The following CADM2 variants were observed in gnomAD, a reference collection of about 807,000 sequenced individuals.
The protein encoded by CADM2 is immunoglobulin superfamily member 4D.
Under a neutral mutation model 49.8 loss-of-function variants are expected in CADM2, and 12 were observed. That is an observed-to-expected ratio of 0.24 (90% CI 0.15 to 0.39). CADM2 has a LOEUF of 0.39. Among genes scored for constraint, CADM2 ranks in the 10% least tolerant of loss-of-function variants. The probability of loss-of-function intolerance (pLI) is 1.00; values close to 1 mark genes in which losing one functional copy is unlikely to be tolerated. For missense variants in CADM2, 378 were observed against 492.3 expected, an observed-to-expected ratio of 0.77 and a Z score of 2.20; for synonymous variants, 214 against 175.4, an observed-to-expected ratio of 1.22 and a Z score of -1.74.
chr3:85,997,508 G>T (rs928529152), intron 8 of CADM2, among the ~76,000 whole-genome samples: 2 of 151,988 alleles, frequency 1.3e-5, no homozygotes, highest in African/African-American at 2.4e-5. Context: ...CTGGGAAAAT[G>T]GAAACATCAC....
chr3:85,130,447 A>G (rs918683675), intron 1 of CADM2, among the ~76,000 whole-genome samples: 2 of 152,192 alleles, frequency 1.3e-5, no homozygotes, highest in African/African-American at 4.8e-5. Flanking sequence ...TCTTCAAACA[A>G]TCTTCTTTGC....
At chr3:85,448,647 C>T (rs2037592028) in intron 1 of CADM2, among the ~76,000 whole-genome samples, 2 of 152,018 alleles carry the variant, frequency 1.3e-5, no homozygotes, top group Non-Finnish European at 2.9e-5. Context: ...ATAATCATTT[C>T]TAAGTTTAAA....
At chr3:85,193,679 A>G (rs990741983) in intron 1 of CADM2, among the ~76,000 whole-genome samples, 1 of 152,146 alleles carries the variant, frequency 6.6e-6, no homozygotes, top group East Asian at 1.9e-4. Context: ...TCCTCACTCC[A>G]ATGTGATCTC....
chr3:85,748,461 G>A (rs2068709633), intron 2 of CADM2, among the ~76,000 whole-genome samples: 1 of 152,040 alleles, frequency 6.6e-6, no homozygotes, highest in South Asian at 2.1e-4. Flanking sequence ...ATGGGTATCT[G>A]TGTTTGTGCA....
chr3:85,979,743 G>T (rs1370873412), intron 8 of CADM2, among the ~76,000 whole-genome samples: 1 of 151,198 alleles, frequency 6.6e-6, no homozygotes, highest in African/African-American at 2.4e-5. Flanking sequence ...TAGTCCATGG[G>T]GTCAGTATAA....
Position 85,364,867 on chromosome 3 carries a change from TACAACAACAACAACA to T in CADM2, c.62-361629_62-361615del, listed in dbSNP as rs57254550. Among the ~76,000 whole-genome samples, 102 of 147,206 alleles carry T rather than the reference TACAACAACAACAACA, an allele frequency of 6.9e-4. 1 individual carries two copies. The highest frequency in any genetic ancestry group is 1.6e-3 in the African/African-American group (61 of 37,658). ...TTGTTCTGGATCATATGCTTGTTCC[TACAACAACAACAACA>T]ACAACAACAACAACAACAACAACAA... On this transcript the variant is annotated intron_variant, in intron 1 of 9. Coordinates refer to ENST00000383699, the MANE Select transcript of CADM2 (RefSeq NM_001167675.2).
rs556176489 is a variant in CADM2, at chr3:85,745,962, A to C, written c.88+19414A>C. ...CCTACCCCCAACTTTAGCCTTCCCC[A>C]CTCCAATACAATGAAAAGATCAACA... On this transcript the variant is annotated intron_variant, in intron 2 of 9. Transcript: ENST00000383699. 1.8e-4 allele frequency among the ~76,000 whole-genome samples: 28 copies of C among 151,918 alleles called. No homozygotes were observed. In the East Asian group the frequency reaches 5.5e-3, roughly 30 times the overall value.
chr3:86,043,049 G>T (rs147634332), intron 8 of CADM2, among the ~76,000 whole-genome samples: 5,215 of 152,066 alleles, frequency 0.034, 175 homozygotes, highest in African/African-American at 0.083. Flanking sequence ...CTAAAAACTC[G>T]CAATAAATTA....
intron 8 of CADM2, among the ~76,000 whole-genome samples, chr3:85,971,300 G>A (rs893251875): frequency 4.6e-5 from 7 of 151,530 alleles, no homozygotes; most frequent in Non-Finnish European, 1.0e-4. Flanking sequence ...GCTTTTAGAA[G>A]ATCAACTCTG....
chr3:85,703,073 CAT>C (rs2066830651), intron 1 of CADM2, among the ~76,000 whole-genome samples: 1 of 152,026 alleles, frequency 6.6e-6, no homozygotes, highest in South Asian at 2.1e-4. Flanking sequence ...CACATACACA[CAT>C]GTAGACAAAT....
chr3:84,978,231 T>C (rs1190971483), intron 1 of CADM2, among the ~76,000 whole-genome samples: 2 of 152,184 alleles, frequency 1.3e-5, no homozygotes, highest in Admixed American at 1.3e-4. Context: ...TTTTCTTTAC[T>C]AGTTGATAAG....
chr3:85,942,714 T>G (rs901673287), intron 7 of CADM2, among the ~76,000 whole-genome samples: 3 of 151,966 alleles, frequency 2.0e-5, no homozygotes, highest in Non-Finnish European at 4.4e-5. Flanking sequence ...TGTGCCACAT[T>G]TTCTTAATCC....
intron 1 of CADM2, among the ~76,000 whole-genome samples, chr3:85,375,395 T>G (rs939390725): frequency 2.0e-5 from 3 of 152,214 alleles, no homozygotes; most frequent in African/African-American, 7.2e-5. Context: ...GATAATTGGC[T>G]GTAGCCTGAG....
chr3:85,404,762 T>C (rs1272778765), intron 1 of CADM2, among the ~76,000 whole-genome samples: 1 of 144,736 alleles, frequency 6.9e-6, no homozygotes, highest in East Asian at 1.9e-4. Flanking sequence ...TAATGCAATA[T>C]TTATAAATGT....
intron 8 of CADM2, among the ~76,000 whole-genome samples, chr3:85,989,069 C>T (rs368783911): frequency 6.6e-6 from 1 of 152,122 alleles, no homozygotes; most frequent in South Asian, 2.1e-4. Flanking sequence ...ATTTTTTTCT[C>T]TTAAAGTCAT....
intron 2 of CADM2, among the ~76,000 whole-genome samples, chr3:85,757,874 G>A (rs1478403885): frequency 6.6e-6 from 1 of 152,128 alleles, no homozygotes; most frequent in Non-Finnish European, 1.5e-5. Context: ...ATTCCTCTGA[G>A]TTTTAGTAGA....
At chr3:85,831,023 G>T (rs181891678) in intron 3 of CADM2, among the ~76,000 whole-genome samples, 19 of 151,646 alleles carry the variant, frequency 1.3e-4, no homozygotes, top group South Asian at 6.2e-4. Flanking sequence ...CCGTTGTCTC[G>T]TGTTCCCATC....
intron 1 of CADM2, among the ~76,000 whole-genome samples, chr3:85,685,645 A>G (rs1414487919): frequency 7.4e-6 from 1 of 134,974 alleles, no homozygotes; most frequent in African/African-American, 2.8e-5. Context: ...TGTTTTTAAG[A>G]CGGAGTCTCC....
chr3:85,482,241 A>G (rs1553728631), intron 1 of CADM2, among the ~76,000 whole-genome samples: 1 of 151,722 alleles, frequency 6.6e-6, no homozygotes, highest in Non-Finnish European at 1.5e-5. Flanking sequence ...CTCTAGCGTG[A>G]CCTTTATTCC....
Sources: allele counts gnomAD v4.1 joint callset (sites outside exome capture counted in the v4.1 genomes callset), GRCh38; gene constraint gnomAD v4.1.1; transcripts MANE v1.5; gene names NCBI Gene and HGNC (gene_info 2026-07-23, HGNC 2026-07-21).